Variants in SNTG1 observed in about 807,000 individuals in gnomAD.
SNTG1 encodes gamma-1-syntrophin.
Under a neutral mutation model 74.7 loss-of-function variants are expected in SNTG1, and 39 were observed. That is an observed-to-expected ratio of 0.52 (90% CI 0.40 to 0.68). The LOEUF (loss-of-function observed/expected upper bound fraction) is 0.68. Ranked by LOEUF, SNTG1 falls within the 30% of genes least tolerant of loss-of-function variation. The probability of loss-of-function intolerance (pLI) is 0.00; values close to 1 mark genes in which losing one functional copy is unlikely to be tolerated. For missense variants in SNTG1, 685 were observed against 609.5 expected (o/e 1.12, Z -1.30); for synonymous variants, 254 against 217.1 (o/e 1.17, Z -1.49).
At chr8:49,939,792 T>G (rs1048656882) in intron 1 of SNTG1, among the ~76,000 whole-genome samples, 1 of 152,202 alleles carries the variant, frequency 6.6e-6, no homozygotes, top group African/African-American at 2.4e-5. Flanking sequence ...TCTATTCTGC[T>G]AGAAAGCATT....
chr8:50,187,095 G>A (rs2083411664), intron 2 of SNTG1, among the ~76,000 whole-genome samples: 1 of 152,098 alleles, frequency 6.6e-6, no homozygotes, highest in Non-Finnish European at 1.5e-5. Flanking sequence ...TCAGCCCAAA[G>A]TAATTTATAG....
chr8:50,089,635 A>G (rs867394687), intron 1 of SNTG1, among the ~76,000 whole-genome samples: 7 of 152,246 alleles, frequency 4.6e-5, no homozygotes, highest in Non-Finnish European at 8.8e-5. Flanking sequence ...ACATTTATGC[A>G]GCCAAAAAAC....
intron 1 of SNTG1, among the ~76,000 whole-genome samples, chr8:50,054,956 C>A (rs1289741532): frequency 2.6e-5 from 4 of 152,112 alleles, no homozygotes; most frequent in African/African-American, 7.2e-5. Context: ...CCCACCTTGG[C>A]CTCTCAAGGC....
chr8:49,984,593 A>G (rs1812987955), intron 1 of SNTG1, among the ~76,000 whole-genome samples: 1 of 152,204 alleles, frequency 6.6e-6, no homozygotes, highest in South Asian at 2.1e-4. Context: ...CTAAATGTAT[A>G]ACTTATATGG....
intron 2 of SNTG1, among the ~76,000 whole-genome samples, chr8:50,187,950 G>T (rs2083442004): frequency 6.6e-6 from 1 of 152,110 alleles, no homozygotes; most frequent in Non-Finnish European, 1.5e-5. Flanking sequence ...CAGGTGAGTG[G>T]AAGACAGTGT....
chr8:50,384,538 C>A (rs2092543141), intron 2 of SNTG1, among the ~76,000 whole-genome samples: 2 of 152,162 alleles, frequency 1.3e-5, no homozygotes, highest in South Asian at 4.1e-4. Context: ...CCTGGCTTAT[C>A]ACTCTGGGGA....
Position 50,472,610 on chromosome 8 carries a change from G to A in SNTG1, c.363+21881G>A, listed in dbSNP as rs980899097. ...GAAAAGCTTTATACCATCAGATTAG[G>A]CAAGGAATTTTTGGATGGAACACCA... On this transcript the variant is annotated intron_variant, in intron 8 of 18. Transcript: ENST00000642720. Among the ~76,000 whole-genome samples, 3 of 152,016 alleles carry A rather than the reference G, an allele frequency of 2.0e-5. No homozygotes were observed. In the East Asian group the frequency reaches 5.8e-4, roughly 29 times the overall value.
chr8:50,148,194 T>C (rs1456755875), intron 1 of SNTG1, among the ~76,000 whole-genome samples: 2 of 152,056 alleles, frequency 1.3e-5, no homozygotes, highest in Non-Finnish European at 2.9e-5. Flanking sequence ...TACATGAATA[T>C]GAATTCATAC....
chr8:50,128,342 C>T (rs1163461773), intron 1 of SNTG1, among the ~76,000 whole-genome samples: 1 of 152,100 alleles, frequency 6.6e-6, no homozygotes, highest in Non-Finnish European at 1.5e-5. Flanking sequence ...GAGTGTCTCA[C>T]TTGTAACAAT....
At chr8:50,398,192 C>A (rs1328606692) in intron 3 of SNTG1, among the ~76,000 whole-genome samples, 1 of 152,220 alleles carries the variant, frequency 6.6e-6, no homozygotes, top group Non-Finnish European at 1.5e-5. Context: ...TCTCCATCTT[C>A]TACTCTGCTA....
intron 5 of SNTG1, among the ~76,000 whole-genome samples, chr8:50,442,115 C>T (rs2093363227): frequency 6.6e-6 from 1 of 152,202 alleles, no homozygotes; most frequent in Non-Finnish European, 1.5e-5. Flanking sequence ...TCTCGCATCC[C>T]CATCTCCCAG....
At position 50,461,581 on chromosome 8, in the gene SNTG1, C is replaced by T. The variant is rs2093563028; in HGVS notation, c.363+10852C>T. On this transcript the variant is annotated intron_variant, in intron 8 of 18. Transcript: ENST00000642720. ...TGGATGCATATATATTTATTTTATA[C>T]TTTGGGATGTAATCCAATACTATCT... Among the ~76,000 whole-genome samples, 4 of 152,010 alleles carry T rather than the reference C, an allele frequency of 2.6e-5. No homozygotes were observed. In the South Asian group the frequency reaches 6.2e-4, roughly 24 times the overall value.
intron 2 of SNTG1, among the ~76,000 whole-genome samples, chr8:50,282,992 G>T (rs955338761): frequency 6.6e-6 from 1 of 152,090 alleles, no homozygotes; most frequent in Non-Finnish European, 1.5e-5. Context: ...GGATGAATTG[G>T]GTAGTAAACA....
intron 17 of SNTG1, among the ~76,000 whole-genome samples, chr8:50,742,024 A>G (rs986606412): frequency 1.3e-5 from 2 of 152,032 alleles, no homozygotes; most frequent in African/African-American, 2.4e-5. Context: ...ACTTTGAAGG[A>G]TAATAATATC....
chr8:50,103,871 T>C (rs908843723), intron 1 of SNTG1, among the ~76,000 whole-genome samples: 2 of 152,212 alleles, frequency 1.3e-5, no homozygotes, highest in Admixed American at 1.3e-4. Context: ...ATTTATTGAT[T>C]TGCAAATATT....
intron 1 of SNTG1, among the ~76,000 whole-genome samples, chr8:50,044,594 C>T (rs1432606389): frequency 6.6e-6 from 1 of 152,102 alleles, no homozygotes; most frequent in East Asian, 1.9e-4. Context: ...GAGCCTAGAA[C>T]CTGGACTTCT....
chr8:50,531,638 C>T (rs946923340), intron 10 of SNTG1, among the ~76,000 whole-genome samples: 14 of 152,274 alleles, frequency 9.2e-5, no homozygotes, highest in African/African-American at 3.4e-4. Context: ...TTGTCTGGAT[C>T]CCCTTTGCCT....
intron 1 of SNTG1, among the ~76,000 whole-genome samples, chr8:49,989,250 A>G (rs901871929): frequency 3.3e-5 from 5 of 152,012 alleles, no homozygotes; most frequent in African/African-American, 1.2e-4. Context: ...TACTAAAATC[A>G]AGAATGAAAG....
At chr8:50,168,023 T>C (rs1320584899) in intron 1 of SNTG1, among the ~76,000 whole-genome samples, 1 of 152,104 alleles carries the variant, frequency 6.6e-6, no homozygotes, top group Non-Finnish European at 1.5e-5. Context: ...TATAATTTGA[T>C]GTTATGTGGC....
Sources: allele counts gnomAD v4.1 joint callset (sites outside exome capture counted in the v4.1 genomes callset), GRCh38; gene constraint gnomAD v4.1.1; transcripts MANE v1.5; gene names NCBI Gene and HGNC (gene_info 2026-07-23, HGNC 2026-07-21).